The following ONECUT3 variants were observed in gnomAD, a reference collection of about 807,000 sequenced individuals.
The protein encoded by ONECUT3 is one cut domain family member 3.
A neutral mutation model predicts 16.8 loss-of-function variants in ONECUT3; 11 were observed. The ratio of observed to expected loss-of-function variants is 0.66; its 90% CI spans 0.41 to 1.09. The LOEUF (loss-of-function observed/expected upper bound fraction) is 1.09. Among genes scored for constraint, ONECUT3 ranks in the 50% least tolerant of loss-of-function variants. The probability of loss-of-function intolerance (pLI) is 0.00; values close to 1 mark genes in which losing one functional copy is unlikely to be tolerated. For synonymous variants in ONECUT3, 344 were observed against 310.7 expected (o/e 1.11, Z -1.13); for missense variants, 637 against 629.9 (o/e 1.01, Z -0.12).
intron 1 of ONECUT3, among the ~76,000 whole-genome samples, chr19:1,774,862 G>A (rs1042469685): frequency 6.9e-5 from 9 of 129,888 alleles, no homozygotes; most frequent in Admixed American, 5.3e-4. Flanking sequence ...TGTCTCCACC[G>A]CCCTCTGGCT....
In ONECUT3 at chr19:1,775,352, C is replaced by G; in HGVS notation, c.1392C>G (p.Asn464Lys). The G allele has an allele frequency of 6.5e-7, 1 of 1,535,034 alleles. No homozygotes were observed. Among genetic ancestry groups the G allele is most frequent in the South Asian group, 1.2e-5 (1 of 85,264 alleles). The change falls in exon 2 of 2, where the codon AAC becomes AAG. Residue 464 changes from asparagine (N) to lysine (K), a missense_variant. Physicochemically the swap from Asn to Lys is moderately conservative, Grantham distance 94. Coordinates refer to ENST00000382349, the MANE Select transcript of ONECUT3 (RefSeq NM_001080488.2). ...ACACCGTCAGCAACTTCTTCATGAA[C>G]GCGCGGCGCCGCTGCATGAACCGCT... ...ELNTVSNFFMNARRRCMNRWA... is the reference protein window; with the variant it reads ...ELNTVSNFFMKARRRCMNRWA...
intron 1 of ONECUT3, among the ~76,000 whole-genome samples, chr19:1,763,214 A>G (rs1313116553): frequency 6.6e-6 from 1 of 151,614 alleles, no homozygotes; most frequent in Admixed American, 6.6e-5. Context: ...AAATACAAAA[A>G]TTAGCCGGGC....
intron 1 of ONECUT3, among the ~76,000 whole-genome samples, chr19:1,767,513 G>A (rs905880723): frequency 4.6e-5 from 7 of 152,140 alleles, no homozygotes; most frequent in Non-Finnish European, 1.0e-4. Context: ...TGCAGGAAAC[G>A]CCTTCATCCG....
intron 1 of ONECUT3, among the ~76,000 whole-genome samples, chr19:1,756,842 G>A (rs942582719): frequency 6.6e-6 from 1 of 151,440 alleles, no homozygotes; most frequent in East Asian, 1.9e-4. Context: ...GAGCCACCCC[G>A]CCGGGCCTCC....
rs1483343211 is a variant in ONECUT3 at position 1,764,264 on chromosome 19, C to G, written c.1192+9410C>G. On this transcript the variant is annotated intron_variant, in intron 1 of 1. Transcript: ENST00000382349. The surrounding 1 kb of genome is among the most constrained non-coding windows in gnomAD (Gnocchi z 5.0). ...CGAGGGTGAGAGGTGCCCCCTGACA[C>G]CCCCATGCCCCCACCCCATGGCGGC... is the stretch of plus-strand genomic sequence containing the variant. 6.6e-6 allele frequency among the ~76,000 whole-genome samples: 1 copy of G among 152,194 alleles called. No individual in the cohort carries two copies. The highest frequency in any genetic ancestry group is 2.4e-5 in the African/African-American group (1 of 41,450).
At position 1,758,402 on chromosome 19, in the gene ONECUT3, C is replaced by T. The variant is rs961768918; in HGVS notation, c.1192+3548C>T. The stretch of plus-strand genomic sequence containing the variant: ...TGTGTCCACCCCCGCCCTCCCACAG[C>T]CCCCTCCTTCTTCCCCATGGGGTAG... On this transcript the variant is annotated intron_variant, in intron 1 of 1. Transcript: ENST00000382349. The surrounding 1 kb of genome is among the most constrained non-coding windows in gnomAD (Gnocchi z 5.9). Among the ~76,000 whole-genome samples the T allele has an allele frequency of 2.6e-5, 4 of 151,770 alleles. No homozygotes were observed.
At position 1,779,663 on chromosome 19, in the gene ONECUT3, TAA is replaced by T. The variant is rs1201428302; in HGVS notation, c.*4220_*4221del. 2 of 124,818 alleles carry T rather than the reference TAA, an allele frequency of 1.6e-5. No homozygotes were observed. Among genetic ancestry groups the T allele is most frequent in the Non-Finnish European group, 3.3e-5 (2 of 61,446 alleles). 7.7% of individuals were successfully genotyped at this position (124,818 alleles called of 1,614,324 possible). On this transcript the variant is annotated 3_prime_UTR_variant, in exon 2 of 2. Transcript: ENST00000382349. ...TACTCTTTCTTGACGCTAATTGTAA[TAA>T]AGTGGTCAGGGTGGGGGGCGGGGGG...
rs1381367499 is a variant in ONECUT3 at position 1,759,279 on chromosome 19, A to G, written c.1192+4425A>G. On this transcript the variant is annotated intron_variant, in intron 1 of 1. Transcript: ENST00000382349. The surrounding 1 kb of genome is among the most constrained non-coding windows in gnomAD (Gnocchi z 4.1). ...GGGGAAGGACATGGAAAGGAAAAAG[A>G]GGCAGAACCTCTTCCCCACCCAGGC... Among the ~76,000 whole-genome samples, 1 of 152,122 alleles carries G rather than the reference A, an allele frequency of 6.6e-6. No individual in the cohort carries two copies. Among genetic ancestry groups the G allele is most frequent in the Non-Finnish European group, 1.5e-5 (1 of 68,014 alleles).
chr19:1,756,414 A>G (rs2067916334), intron 1 of ONECUT3, among the ~76,000 whole-genome samples: 1 of 152,306 alleles, frequency 6.6e-6, no homozygotes, highest in East Asian at 1.9e-4. Flanking sequence ...TCCCCTCCCC[A>G]TGACACATAC....
At chr19:1,767,587 C>T (rs1281381889) in intron 1 of ONECUT3, among the ~76,000 whole-genome samples, 1 of 152,218 alleles carries the variant, frequency 6.6e-6, no homozygotes, top group African/African-American at 2.4e-5. Context: ...CCTACAGCCC[C>T]CGCCCTTTCC....
rs1303541075 is a variant in ONECUT3, at chr19:1,775,420, CCACGGCCACTTTCT to C, written c.1462_1475del (p.Thr488GlnfsTer209). The C allele has an allele frequency of 1.3e-6, 2 of 1,527,542 alleles. No homozygotes were observed. The highest frequency in any genetic ancestry group is 1.8e-6 in the Non-Finnish European group (2 of 1,139,258). The allele number at this position is 1,527,542 out of a possible 1,614,324, so 94.6% of individuals were successfully genotyped here. On this transcript the variant is annotated frameshift_variant, in exon 2 of 2. Transcript: ENST00000382349. LOFTEE classifies it high-confidence loss of function. ...ACGGCCCCCGGGGGCCCCGCCGGCG[CCACGGCCACTTTCT>C]CCAAGGCCTGAGGCGCCCCGGCCCC...
intron 1 of ONECUT3, among the ~76,000 whole-genome samples, chr19:1,756,012 C>T (rs944889218): frequency 6.6e-6 from 1 of 152,176 alleles, no homozygotes; most frequent in Non-Finnish European, 1.5e-5. Context: ...GATCGCTTCT[C>T]CGAGCACAAG....
rs1387125583 is a variant in ONECUT3, at chr19:1,766,590, G to A, written c.1193-8563G>A. Among the ~76,000 whole-genome samples the A allele has an allele frequency of 6.6e-6, 1 of 151,672 alleles. No homozygotes were observed. Among genetic ancestry groups the A allele is most frequent in the Non-Finnish European group, 1.5e-5 (1 of 67,814 alleles). On this transcript the variant is annotated intron_variant, in intron 1 of 1. Coordinates refer to ENST00000382349, the MANE Select transcript of ONECUT3 (RefSeq NM_001080488.2). The surrounding 1 kb of genome is among the most constrained non-coding windows in gnomAD (Gnocchi z 4.0). Reference sequence around the variant, plus strand: ...GAGGGAGGGAGGGTGAGTGGAAAAGGAGGGGTGAGGAGGAGGAGAGGGGAT... The same window carrying A: ...GAGGGAGGGAGGGTGAGTGGAAAAGAAGGGGTGAGGAGGAGGAGAGGGGAT...
chr19:1,757,241 C>G (rs1003020321), intron 1 of ONECUT3, among the ~76,000 whole-genome samples: 2 of 152,250 alleles, frequency 1.3e-5, no homozygotes, highest in Non-Finnish European at 2.9e-5. Flanking sequence ...TGGGTGTTCG[C>G]TCCTGCCGAC....
rs2067952535 is a variant in ONECUT3, at chr19:1,762,667, G to C, written c.1192+7813G>C. The stretch of plus-strand genomic sequence containing the variant: ...CCGGGACCCGGGACCACGCGCCCGC[G>C]GCCTTGGAGCCTCAGGGTCACTGGT... On this transcript the variant is annotated intron_variant, in intron 1 of 1. Transcript: ENST00000382349. This position sits in a 1 kb window ranked among gnomAD's most constrained non-coding sequence, Gnocchi z 4.4. Among the ~76,000 whole-genome samples the C allele has an allele frequency of 2.0e-5, 3 of 152,224 alleles. No individual in the cohort carries two copies. Among genetic ancestry groups the C allele is most frequent in the African/African-American group, 7.2e-5 (3 of 41,456 alleles).
At chr19:1,768,193 G>A (rs1162731344) in intron 1 of ONECUT3, among the ~76,000 whole-genome samples, 1 of 151,788 alleles carries the variant, frequency 6.6e-6, no homozygotes, top group African/African-American at 2.4e-5. Flanking sequence ...TGGCAGGGGT[G>A]ACAGGGAGAG....
rs116632620 is a variant in ONECUT3 at position 1,759,692 on chromosome 19, C to T, written c.1192+4838C>T. 6.5e-3 allele frequency among the ~76,000 whole-genome samples: 988 copies of T among 152,272 alleles called. 10 individuals carry two copies. The highest frequency in any genetic ancestry group is 0.023 in the African/African-American group (946 of 41,532). On this transcript the variant is annotated intron_variant, in intron 1 of 1. Transcript: ENST00000382349. This position sits in a 1 kb window ranked among gnomAD's most constrained non-coding sequence, Gnocchi z 4.1. Reference sequence around the variant, plus strand: ...ACCCGGGCCTTCCCTGGGCTCTGTCCCTGGCTGATCCCTGGCAAAAGGACT... The same window carrying T: ...ACCCGGGCCTTCCCTGGGCTCTGTCTCTGGCTGATCCCTGGCAAAAGGACT...
Position 1,753,730 on chromosome 19 carries a change from T to A in ONECUT3, c.68T>A (p.Leu23Gln), listed in dbSNP as rs1416569952. ...GCCCACGCGCAGGCGGGCGAGCTGC[T>A]GAGCCCGGGCCACGCGCGCTCGGCG... is the stretch of plus-strand genomic sequence containing the variant. ...SVAHAQAGEL[L>Q]SPGHARSAAA... Residue 23 changes from leucine to glutamine, a missense_variant, in exon 1 of 2, where the codon CTG becomes CAG. Coordinates refer to ENST00000382349, the MANE Select transcript of ONECUT3 (RefSeq NM_001080488.2). 9.7e-7 allele frequency: 1 copy of A among 1,030,238 alleles called. No individual in the cohort carries two copies. Among genetic ancestry groups the A allele is most frequent in the African/African-American group, 1.8e-5 (1 of 57,020 alleles). The allele number at this position is 1,030,238 out of a possible 1,614,324, so 63.8% of individuals were successfully genotyped here.
At chr19:1,763,670 G>A (rs935196482) in intron 1 of ONECUT3, among the ~76,000 whole-genome samples, 2 of 151,066 alleles carry the variant, frequency 1.3e-5, no homozygotes, top group Non-Finnish European at 2.9e-5. Flanking sequence ...ATCACAGTCT[G>A]TATTTCTCCT....
Sources: allele counts gnomAD v4.1 joint callset (sites outside exome capture counted in the v4.1 genomes callset), GRCh38; gene constraint gnomAD v4.1.1; non-coding constraint Gnocchi (gnomAD v3.1); transcripts MANE v1.5; gene names NCBI Gene and HGNC (gene_info 2026-07-23, HGNC 2026-07-21).